TFRC: variants seen among roughly 807,000 people sequenced by gnomAD.
The protein encoded by TFRC is transferrin receptor protein 1.
Under a neutral mutation model 85.8 loss-of-function variants are expected in TFRC, and 35 were observed. The ratio of observed to expected loss-of-function variants is 0.41; its 90% confidence interval spans 0.31 to 0.54. The LOEUF is 0.54. TFRC is among the 20% of genes least tolerant of loss of function. The pLI, the probability that TFRC is intolerant of heterozygous loss-of-function variation, is 0.31. For missense variants in TFRC, 828 were observed against 921.5 expected (o/e 0.90, Z 1.31); for synonymous variants, 362 against 328.6 (o/e 1.10, Z -1.10).
rs116092323 is a variant in TFRC, at chr3:196,078,209, T to A, written c.-23-1087A>T. Among the ~76,000 whole-genome samples, 1,400 of 152,230 alleles carry A rather than the reference T, an allele frequency of 9.2e-3. 27 individuals carry two copies. The highest frequency in any genetic ancestry group is 0.032 in the African/African-American group (1,344 of 41,532). On this transcript the variant is annotated intron_variant, in intron 1 of 18. Coordinates refer to ENST00000360110, the MANE Select transcript of TFRC (RefSeq NM_001128148.3). ...GCATCTAGATACTTGAAAATGACAT[T>A]ATCCTGAGATTTGCAAAATGGACAT...
chr3:196,071,404 T>C lies in TFRC; in HGVS notation c.679A>G (p.Thr227Ala), dbSNP rs758632718. The change falls in exon 6 of 19, where the codon ACA (threonine) becomes GCA (alanine). Residue 227 changes from threonine (T) to alanine (A), a missense_variant. By Grantham distance (58) the Thr-to-Ala change is moderately conservative. Transcript: ENST00000360110. ...GGYVAYSKAA[T>A]VTGKLVHANF... ...TGTTTTGCTTTACTTACAGTAACTGTTGCAGCCTTACTATACGCCACATAA... is the reference window on the plus strand; with the variant it reads ...TGTTTTGCTTTACTTACAGTAACTGCTGCAGCCTTACTATACGCCACATAA... The C allele has an allele frequency of 1.9e-6, 3 of 1,613,906 alleles. No homozygotes were observed. The highest frequency in any genetic ancestry group is 2.5e-6 in the Non-Finnish European group (3 of 1,179,812).
intron 7 of TFRC, 83 bp downstream of exon 7, chr3:196,069,372 A>G: frequency 1.3e-6 from 1 of 795,938 alleles, no homozygotes; most frequent in Non-Finnish European, 2.0e-6. Flanking sequence ...TCAGAATGTA[A>G]GAATATTAAC....
chr3:196,068,408 C>A (rs187823210), intron 7 of TFRC, among the ~76,000 whole-genome samples: 4 of 151,000 alleles, frequency 2.6e-5, no homozygotes, highest in Admixed American at 2.6e-4. Context: ...CTCAGGAGTT[C>A]GAGACCAGCC....
At position 196,052,043 on chromosome 3, in the gene TFRC, C is replaced by G. The variant is rs769276956; in HGVS notation, c.2182G>C (p.Glu728Gln). 1.9e-6 allele frequency: 3 copies of G among 1,614,144 alleles called. No homozygotes were observed. In the East Asian group the frequency reaches 6.7e-5, roughly 36 times the overall value. ...GCCAACTGGTTTCTGAACAGCGTTT[C>G]ATTAAAAGCACCGTTATTTTGTTTA... ...LRKQNNGAFN[E>Q]TLFRNQLALA... Residue 728 changes from glutamate to glutamine, a missense_variant, in exon 19 of 19, where the codon GAA becomes CAA. Physicochemically the swap from Glu to Gln is conservative, Grantham distance 29. Coordinates refer to ENST00000360110, the MANE Select transcript of TFRC (RefSeq NM_001128148.3).
chr3:196,063,286 T>G (rs1433382874), intron 11 of TFRC: 1 of 169,518 alleles, frequency 5.9e-6, no homozygotes, highest in Non-Finnish European at 1.3e-5. Context: ...TTGAAAACAG[T>G]GTAAGCATGA....
Position 196,051,903 on chromosome 3 carries a change from A to C in TFRC, c.*39T>G. 1 of 1,598,580 alleles carries C rather than the reference A, an allele frequency of 6.3e-7. No individual in the cohort carries two copies. Among genetic ancestry groups the C allele is most frequent in the East Asian group, 2.2e-5 (1 of 44,670 alleles). ...CGATCAGCACAAGTCTAGAAACCAG[A>C]CTACCCTGCTGTTCTCATGGAAGCT... On this transcript the variant is annotated 3_prime_UTR_variant, in exon 19 of 19. Transcript: ENST00000360110.
At chr3:196,060,464 G>A in intron 13 of TFRC, 1 of 519,850 alleles carries the variant, frequency 1.9e-6, no homozygotes. Context: ...ACTACTCCTT[G>A]AGTTTGCATA....
chr3:196,055,651 G>A, intron 16 of TFRC: 1 of 327,704 alleles, frequency 3.1e-6, no homozygotes, highest in Non-Finnish European at 5.8e-6. Context: ...GAAGATACAT[G>A]AAACATACCT....
At chr3:196,071,169 A>C (rs964851515) in intron 6 of TFRC, among the ~76,000 whole-genome samples, 2 of 152,250 alleles carry the variant, frequency 1.3e-5, no homozygotes, top group Non-Finnish European at 2.9e-5. Flanking sequence ...GGCATAGATA[A>C]TGTCAGCTGC....
chr3:196,069,174 G>A (rs1012258521), intron 7 of TFRC, among the ~76,000 whole-genome samples: 1 of 152,076 alleles, frequency 6.6e-6, no homozygotes, highest in African/African-American at 2.4e-5. Flanking sequence ...CCTTGTGTAT[G>A]TTTGGCTATT....
intron 16 of TFRC, among the ~76,000 whole-genome samples, chr3:196,057,651 G>A (rs1220858785): frequency 6.6e-6 from 1 of 151,950 alleles, no homozygotes; most frequent in African/African-American, 2.4e-5. Context: ...CCATGGCCAG[G>A]TGTAGTAAGT....
In TFRC at chr3:196,051,668, A is replaced by G; in HGVS notation, c.*274T>C. 2.4e-6 allele frequency: 1 copy of G among 415,768 alleles called. No homozygotes were observed. Among genetic ancestry groups the G allele is most frequent in the Non-Finnish European group, 4.3e-6 (1 of 230,960 alleles). 25.8% of individuals were successfully genotyped at this position (415,768 alleles called of 1,614,324 possible). On this transcript the variant is annotated 3_prime_UTR_variant, in exon 19 of 19. Transcript: ENST00000360110. ...TGACATTTTCATTAACAACAACAGG[A>G]AAGAGGCAGTTCCCATTACAAAGCA...
At chr3:196,068,285 T>C (rs547393802) in intron 7 of TFRC, among the ~76,000 whole-genome samples, 155 bp from the exon 8 acceptor site, 2 of 152,336 alleles carry the variant, frequency 1.3e-5, no homozygotes, top group East Asian at 3.9e-4. Context: ...ATTTATTAAT[T>C]GCTTCCTGAA....
chr3:196,071,452 A>G lies in TFRC; in HGVS notation c.631T>C (p.Tyr211His). 1.9e-6 allele frequency: 3 copies of G among 1,614,112 alleles called. No homozygotes were observed. The highest frequency in any genetic ancestry group is 2.5e-6 in the Non-Finnish European group (3 of 1,179,974). The change falls in exon 6 of 19, where the codon TAC becomes CAC. Residue 211 changes from tyrosine to histidine, a missense_variant. Transcript: ENST00000360110. Reference protein sequence around the residue: ...IIVDKNGRLVYLVENPGGYVA... With the variant: ...IIVDKNGRLVHLVENPGGYVA... ...TAACCCCCAGGATTCTCCACCAGGT[A>G]AACAAGTCTACCGTTCTTATCAACT...
At chr3:196,055,425 G>T (rs539407114) in intron 16 of TFRC, 124 bp from the exon 17 acceptor site, 1 of 738,050 alleles carries the variant, frequency 1.4e-6, no homozygotes, top group Non-Finnish European at 2.3e-6. Flanking sequence ...TATTCCTACC[G>T]CAATTTACCC....
intron 11 of TFRC, 36 bp downstream of exon 11, chr3:196,064,273 C>T: frequency 1.3e-6 from 2 of 1,593,242 alleles, no homozygotes; most frequent in Non-Finnish European, 1.7e-6. Context: ...GTATGCAGTG[C>T]ACCAATATTC....
chr3:196,055,128 T>G lies in TFRC; in HGVS notation c.1851A>C (p.Gln617His), dbSNP rs1421409188. ...LNLDYERYNS[Q>H]LLSFVRDLNQ... ...TCAGATCCCTCACAAATGAAAGCAG[T>G]TGGCTGTTGTACCTCTCATAGTCCA... The change falls in exon 17 of 19, where the codon CAA (glutamine) becomes CAC (histidine). Residue 617 changes from glutamine (Q) to histidine (H), a missense_variant. By Grantham distance (24) the Gln-to-His change is conservative. Transcript: ENST00000360110. 1.9e-6 allele frequency: 3 copies of G among 1,614,226 alleles called. No homozygotes were observed. The highest frequency in any genetic ancestry group is 1.7e-6 in the Non-Finnish European group (2 of 1,180,036).
chr3:196,060,797 CAAAAAA>C (rs1173946134), intron 13 of TFRC, among the ~76,000 whole-genome samples: 3 of 36,924 alleles, frequency 8.1e-5, no homozygotes, highest in East Asian at 1.6e-3. Flanking sequence ...GACTCCATCT[CAAAAAA>C]AAAAAAAAAA....
intron 17 of TFRC, among the ~76,000 whole-genome samples, chr3:196,054,669 G>A (rs189543304): frequency 6.6e-5 from 10 of 152,318 alleles, no homozygotes; most frequent in Non-Finnish European, 1.2e-4. Flanking sequence ...TATCAGTTTC[G>A]TTTAATAGAA....
Sources: allele counts gnomAD v4.1 joint callset (sites outside exome capture counted in the v4.1 genomes callset), GRCh38; gene constraint gnomAD v4.1.1; transcripts MANE v1.5; gene names NCBI Gene and HGNC (gene_info 2026-07-23, HGNC 2026-07-21).